The following LRP1B variants were observed in gnomAD, a reference collection of about 807,000 sequenced individuals.
The protein encoded by LRP1B is LDL receptor related protein 1B.
In LRP1B, 217 loss-of-function variants were observed where a neutral mutation model predicts 556.6. That is an observed-to-expected ratio of 0.39 (90% CI 0.35 to 0.44). LRP1B has a LOEUF of 0.44. LRP1B is among the 20% of genes least tolerant of loss of function. LRP1B has a pLI of 1.00. For synonymous variants in LRP1B, 2,047 were observed against 1,865.8 expected, an observed-to-expected ratio of 1.10 and a Z score of -2.50; for missense variants, 5,053 against 5,620.8, an observed-to-expected ratio of 0.90 and a Z score of 3.23.
At chr2:142,022,279 G>C (rs1403207191) in intron 1 of LRP1B, among the ~76,000 whole-genome samples, 1 of 148,788 alleles carries the variant, frequency 6.7e-6, no homozygotes, top group African/African-American at 2.5e-5. Flanking sequence ...ACATAATGTT[G>C]TAAAAAAAAA....
chr2:140,324,114 G>A (rs2105059896), intron 80 of LRP1B, 48 bp from the exon 81 acceptor site: 1 of 1,163,212 alleles, frequency 8.6e-7, no homozygotes, highest in Non-Finnish European at 1.2e-6. Context: ...TATATACTCA[G>A]ACTTTAAAAA....
chr2:140,267,197 C>T (rs1573709355), intron 86 of LRP1B, among the ~76,000 whole-genome samples: 1 of 152,052 alleles, frequency 6.6e-6, no homozygotes, highest in African/African-American at 2.4e-5. Flanking sequence ...AATTAATTGT[C>T]TTCAAAAATT....
At chr2:140,846,651 G>A (rs1470624625) in intron 29 of LRP1B, among the ~76,000 whole-genome samples, 2 of 152,050 alleles carry the variant, frequency 1.3e-5, no homozygotes, top group Non-Finnish European at 2.9e-5. Context: ...AATTTTTGAA[G>A]CTGACCCCAC....
chr2:140,610,741 A>G (rs488585), intron 41 of LRP1B, among the ~76,000 whole-genome samples: 76,617 of 151,972 alleles, frequency 0.5, 19,848 homozygotes, highest in African/African-American at 0.63. Context: ...GCCCGCCACC[A>G]TGGCCGGCTA....
intron 41 of LRP1B, among the ~76,000 whole-genome samples, chr2:140,638,776 T>C (rs1383127039): frequency 6.6e-6 from 1 of 151,784 alleles, no homozygotes; most frequent in Admixed American, 6.6e-5. Flanking sequence ...CACACACATA[T>C]ATATGAAAAA....
At chr2:140,512,302 G>A (rs1259144527) in intron 51 of LRP1B, among the ~76,000 whole-genome samples, 1 of 152,116 alleles carries the variant, frequency 6.6e-6, no homozygotes, top group East Asian at 1.9e-4. Context: ...AACAGATTTT[G>A]TGTTAAGAAC....
At chr2:140,865,268 T>C (rs933090807) in intron 27 of LRP1B, among the ~76,000 whole-genome samples, 1 of 152,082 alleles carries the variant, frequency 6.6e-6, no homozygotes, top group African/African-American at 2.4e-5. Flanking sequence ...ATTTCCTACT[T>C]GGAGGATTAG....
At chr2:140,335,909 A>T (rs1681067051) in intron 77 of LRP1B, 71 bp from the exon 78 acceptor site, 3 of 914,186 alleles carry the variant, frequency 3.3e-6, no homozygotes, top group Non-Finnish European at 5.4e-6. Context: ...GTATCTTTAC[A>T]TTGAAGTTAT....
At chr2:140,502,941 G>T in intron 54 of LRP1B, 22 bp downstream of exon 54, 2 of 1,608,804 alleles carry the variant, frequency 1.2e-6, no homozygotes, top group South Asian at 1.1e-5. Flanking sequence ...GAGTAAATGC[G>T]GTATTGTATA....
intron 15 of LRP1B, among the ~76,000 whole-genome samples, chr2:140,999,102 C>T (rs1172103379): frequency 3.3e-5 from 5 of 151,968 alleles, no homozygotes; most frequent in African/African-American, 1.2e-4. Context: ...AAAACCTTTA[C>T]AATTAAATAA....
At chr2:141,855,321 G>A (rs1287196195) in intron 1 of LRP1B, among the ~76,000 whole-genome samples, 1 of 152,074 alleles carries the variant, frequency 6.6e-6, no homozygotes, top group African/African-American at 2.4e-5. Flanking sequence ...CCCCTTAACG[G>A]GATAAGACAT....
rs1251802073 is a variant in LRP1B at position 140,702,155 on chromosome 2, G to A, written c.6288C>T (p.Ile2096=). 1.2e-6 allele frequency: 2 copies of A among 1,613,186 alleles called. No individual in the cohort carries two copies. Among genetic ancestry groups the A allele is most frequent in the Admixed American group, 1.7e-5 (1 of 59,822 alleles). ...AAATAAATTACCTGTCAGACCAGTA[G>A]ATGTAAGCCCCAAAGACTGCAACTG... is the stretch of plus-strand genomic sequence containing the variant. ...MFSVAVFGAY[I]YWSDRAHANG... Residue 2096 remains isoleucine (I), a synonymous_variant, in exon 39 of 91, where the codon ATC becomes ATT. Transcript: ENST00000389484.
At chr2:140,289,033 G>A (rs951442052) in intron 84 of LRP1B, among the ~76,000 whole-genome samples, 3 of 151,894 alleles carry the variant, frequency 2.0e-5, no homozygotes, top group African/African-American at 4.8e-5. Flanking sequence ...ATGGAAAAAA[G>A]TTCCTGCTAT....
chr2:141,190,930 A>C (rs1255698707), intron 6 of LRP1B, among the ~76,000 whole-genome samples: 2 of 151,978 alleles, frequency 1.3e-5, no homozygotes, highest in Non-Finnish European at 2.9e-5. Context: ...CAAATACTGC[A>C]AAAACTCTCT....
chr2:140,524,577 GAATATATGGT>G, intron 49 of LRP1B, among the ~76,000 whole-genome samples: 1 of 151,942 alleles, frequency 6.6e-6, no homozygotes, highest in African/African-American at 2.4e-5. Context: ...ACCGGATAAA[GAATATATGGT>G]ACACATACAC....
chr2:141,743,900 C>G (rs1693813644), intron 2 of LRP1B, among the ~76,000 whole-genome samples: 1 of 151,370 alleles, frequency 6.6e-6, no homozygotes, highest in Non-Finnish European at 1.5e-5. Context: ...CTCTTTTTTT[C>G]TTAGTCTGGC....
chr2:140,900,057 C>T (rs954370973), intron 23 of LRP1B, among the ~76,000 whole-genome samples: 4 of 152,164 alleles, frequency 2.6e-5, no homozygotes, highest in African/African-American at 9.7e-5. Context: ...ATAGGACAGT[C>T]ATCTATGACC....
intron 41 of LRP1B, among the ~76,000 whole-genome samples, chr2:140,644,625 C>A (rs900154512): frequency 6.6e-6 from 1 of 152,020 alleles, no homozygotes; most frequent in Non-Finnish European, 1.5e-5. Context: ...GCTGCCCAGG[C>A]AGGTCTCAAA....
intron 7 of LRP1B, among the ~76,000 whole-genome samples, chr2:141,181,994 A>G (rs547825243): frequency 1.3e-5 from 2 of 152,128 alleles, no homozygotes; most frequent in African/African-American, 2.4e-5. Context: ...TTTCTCACCC[A>G]TGTGGTCTTG....
Sources: allele counts gnomAD v4.1 joint callset (sites outside exome capture counted in the v4.1 genomes callset), GRCh38; gene constraint gnomAD v4.1.1; transcripts MANE v1.5; gene names NCBI Gene and HGNC (gene_info 2026-07-23, HGNC 2026-07-21).